COL4A5: variants seen among roughly 807,000 people sequenced by gnomAD.
COL4A5 encodes collagen type IV alpha 5 chain.
In COL4A5, 26 loss-of-function variants were observed where a neutral mutation model predicts 130.2. The observed-to-expected ratio is 0.20, with a 90% confidence interval of 0.15 to 0.28. The LOEUF (loss-of-function observed/expected upper bound fraction) is 0.28, where lower values mean the gene tolerates loss of function less well. Ranked by LOEUF, COL4A5 falls within the 10% of genes least tolerant of loss-of-function variation. COL4A5 has a pLI of 1.00. For synonymous variants in COL4A5, 496 were observed against 439.6 expected, an observed-to-expected ratio of 1.13 and a Z score of -1.60; for missense variants, 1,131 against 1,344.3, an observed-to-expected ratio of 0.84 and a Z score of 2.48.
At chrX:108,440,569 C>T in intron 1 of COL4A5, 1 of 219,437 alleles carries the variant, frequency 4.6e-6, no homozygotes, top group East Asian at 1.2e-4. Flanking sequence ...TGGCGACTAA[C>T]CTTTTCACTA....
chrX:108,565,489 G>A (rs912933018), intron 4 of COL4A5, among the ~76,000 whole-genome samples: 4 of 111,603 alleles, frequency 3.6e-5, no homozygotes, highest in Non-Finnish European at 7.5e-5. Flanking sequence ...TAACAACCAC[G>A]TAACAACTAA....
chrX:108,461,316 T>G (rs2064648534), intron 1 of COL4A5, among the ~76,000 whole-genome samples: 1 of 111,704 alleles, frequency 9.0e-6, no homozygotes, highest in Non-Finnish European at 1.9e-5. Flanking sequence ...GGAGGCATTT[T>G]TTTTCCCCTC....
chrX:108,465,251 T>A (rs777074989), intron 1 of COL4A5, among the ~76,000 whole-genome samples: 21 of 112,598 alleles, frequency 1.9e-4, no homozygotes, highest in African/African-American at 6.4e-4. Context: ...AGGAATATTT[T>A]ACATTCTCAC....
chrX:108,525,796 C>T (rs1319332019), intron 1 of COL4A5, among the ~76,000 whole-genome samples: 3 of 111,230 alleles, frequency 2.7e-5, no homozygotes, highest in Non-Finnish European at 3.8e-5. Context: ...GAGCTGGGAG[C>T]GGGAACACTG....
chrX:108,651,974 G>A (rs1354580459), intron 36 of COL4A5, among the ~76,000 whole-genome samples: 1 of 111,783 alleles, frequency 8.9e-6, no homozygotes, highest in Non-Finnish European at 1.9e-5. Flanking sequence ...TAAAGCTTCA[G>A]TTATGCAAGA....
At chrX:108,598,562 C>A in intron 24 of COL4A5, 140 bp from the exon 25 acceptor site, 2 of 562,715 alleles carry the variant, frequency 3.6e-6, no homozygotes, top group Non-Finnish European at 6.0e-6. Context: ...ATCACACATA[C>A]CATCTCATAA....
intron 18 of COL4A5, among the ~76,000 whole-genome samples, chrX:108,585,086 C>T (rs974474349): frequency 1.8e-5 from 2 of 111,924 alleles, no homozygotes; most frequent in Non-Finnish European, 1.9e-5. Context: ...GATTTTCTGT[C>T]ATGTTTGTGT....
chrX:108,563,965 G>A, intron 4 of COL4A5, 39 bp downstream of exon 4: 2 of 1,068,597 alleles, frequency 1.9e-6, no homozygotes, highest in Non-Finnish European at 2.6e-6. Context: ...CTTTGTTGGT[G>A]GAAACAGATA....
chrX:108,478,935 C>T (rs2064862464), intron 1 of COL4A5, among the ~76,000 whole-genome samples: 2 of 112,002 alleles, frequency 1.8e-5, no homozygotes, highest in African/African-American at 3.2e-5. Flanking sequence ...GGTGCCATAT[C>T]GAGTGCTCAT....
chrX:108,507,278 A>C (rs915485141), intron 1 of COL4A5, among the ~76,000 whole-genome samples: 2 of 109,771 alleles, frequency 1.8e-5, no homozygotes, highest in African/African-American at 6.6e-5. Flanking sequence ...AAAAAAAAGA[A>C]AACTTCAGGC....
chrX:108,585,227 C>T (rs750005367), intron 18 of COL4A5, among the ~76,000 whole-genome samples: 54 of 111,860 alleles, frequency 4.8e-4, no homozygotes, highest in East Asian at 1.1e-3. Context: ...GCATTGAAGC[C>T]GCAACAGTGC....
At chrX:108,695,083 CAT>C (rs759002058) in intron 51 of COL4A5, 162 bp downstream of exon 51, 38 of 671,823 alleles carry the variant, frequency 5.7e-5, no homozygotes, top group African/African-American at 4.5e-4. Flanking sequence ...TTTTTTGTAA[CAT>C]ATTTTCATAA....
chrX:108,692,126 C>A (rs1345646371), intron 49 of COL4A5, among the ~76,000 whole-genome samples: 1 of 112,058 alleles, frequency 8.9e-6, no homozygotes, highest in African/African-American at 3.2e-5. Context: ...AAAAGAAAGG[C>A]TTGATCACAA....
intron 1 of COL4A5, among the ~76,000 whole-genome samples, chrX:108,530,645 A>G (rs1320084697): frequency 1.0e-5 from 1 of 96,254 alleles, no homozygotes; most frequent in Non-Finnish European, 2.1e-5. Flanking sequence ...GCAAATCAAA[A>G]CCACAATGAG....
chrX:108,668,118 A>G (rs921195790), intron 40 of COL4A5, among the ~76,000 whole-genome samples: 1 of 111,706 alleles, frequency 9.0e-6, no homozygotes, highest in African/African-American at 3.3e-5. Flanking sequence ...ATTTCTATAT[A>G]TACTCTAATA....
intron 36 of COL4A5, among the ~76,000 whole-genome samples, chrX:108,636,257 A>T (rs1283170973): frequency 1.8e-5 from 2 of 111,935 alleles, no homozygotes; most frequent in Admixed American, 9.5e-5. Context: ...ATAAGAACTA[A>T]ACCATAAACA....
intron 18 of COL4A5, among the ~76,000 whole-genome samples, chrX:108,585,228 G>A (rs960957375): frequency 7.1e-5 from 8 of 111,945 alleles, no homozygotes; most frequent in South Asian, 3.7e-4. Context: ...CATTGAAGCC[G>A]CAACAGTGCG....
At chrX:108,641,022 T>C (rs996998660) in intron 36 of COL4A5, among the ~76,000 whole-genome samples, 2 of 111,671 alleles carry the variant, frequency 1.8e-5, no homozygotes, top group African/African-American at 6.5e-5. Context: ...CAAAACCACA[T>C]TGAGATACCA....
At chrX:108,491,737 T>C (rs1295994726) in intron 1 of COL4A5, among the ~76,000 whole-genome samples, 1 of 111,533 alleles carries the variant, frequency 9.0e-6, no homozygotes, top group African/African-American at 3.3e-5. Flanking sequence ...TACAGGTTCT[T>C]AGTACCTGAG....
Sources: gnomAD v4.1 joint callset for allele counts (sites outside exome capture counted in the v4.1 genomes callset) on GRCh38, gnomAD v4.1.1 for gene constraint, MANE v1.5 for transcripts, NCBI Gene and HGNC (gene_info 2026-07-23, HGNC 2026-07-21) for gene names.